NSRP1: variants seen among roughly 807,000 people sequenced by gnomAD.
NSRP1 encodes the protein coiled-coil domain containing 55.
NSRP1 carries 24 observed loss-of-function variants against 54.7 expected under a neutral mutation model. The observed-to-expected ratio is 0.44, with a 90% CI of 0.32 to 0.62. NSRP1 has a LOEUF of 0.62. Ranked by LOEUF, NSRP1 falls within the 20% of genes least tolerant of loss-of-function variation. The pLI is 0.06. For synonymous variants in NSRP1, 210 were observed against 213.8 expected (o/e 0.98, Z 0.15); for missense variants, 596 against 651.2 (o/e 0.92, Z 0.92).
intron 3 of NSRP1, among the ~76,000 whole-genome samples, chr17:30,176,614 C>CG (rs1272653689): frequency 4.1e-5 from 5 of 121,784 alleles, no homozygotes; most frequent in East Asian, 4.7e-4. Context: ...CGTCCCCCCC[C>CG]CCCCAAAAAA....
At chr17:30,180,828 G>A in intron 5 of NSRP1, 80 bp from the exon 6 acceptor site, 1 of 903,388 alleles carries the variant, frequency 1.1e-6, no homozygotes, top group South Asian at 1.3e-5. Flanking sequence ...CACACTGTAT[G>A]TTATATACTG....
chr17:30,120,961 C>A (rs2071591481), intron 2 of NSRP1, among the ~76,000 whole-genome samples: 1 of 152,086 alleles, frequency 6.6e-6, no homozygotes, highest in Non-Finnish European at 1.5e-5. Flanking sequence ...AAATAACATT[C>A]AAGGCTGGTT....
At position 30,132,689 on chromosome 17, in the gene NSRP1, C is replaced by T. The variant is rs549608550; in HGVS notation, c.114+14516C>T. Reference sequence around the variant, plus strand: ...ACATCTTCAGACTCCATTTGTAATTCTAGTTCTCTTGCCATTTCTACCCCA... The same window carrying T: ...ACATCTTCAGACTCCATTTGTAATTTTAGTTCTCTTGCCATTTCTACCCCA... On this transcript the variant is annotated intron_variant, in intron 2 of 6. Transcript: ENST00000247026. Among the ~76,000 whole-genome samples the T allele has an allele frequency of 3.5e-3, 530 of 152,314 alleles. 3 individuals are homozygous for T. The highest frequency in any genetic ancestry group is 0.012 in the African/African-American group (513 of 41,570).
intron 3 of NSRP1, among the ~76,000 whole-genome samples, chr17:30,173,344 T>C (rs1361895991): frequency 1.3e-5 from 2 of 152,208 alleles, no homozygotes; most frequent in East Asian, 1.9e-4. Flanking sequence ...AACTTGCCCA[T>C]AGTACTGATT....
At chr17:30,165,552 T>C (rs1904700188) in intron 2 of NSRP1, among the ~76,000 whole-genome samples, 1 of 152,234 alleles carries the variant, frequency 6.6e-6, no homozygotes, top group Non-Finnish European at 1.5e-5. Flanking sequence ...GTCTGTTCAT[T>C]TGGTGTGTCC....
At chr17:30,143,510 A>G (rs879138267) in intron 2 of NSRP1, among the ~76,000 whole-genome samples, 1 of 152,052 alleles carries the variant, frequency 6.6e-6, no homozygotes, top group South Asian at 2.1e-4. Flanking sequence ...TGTCTCTTGA[A>G]AAAAAAATAC....
chr17:30,169,397 G>T (rs964544390), intron 2 of NSRP1, among the ~76,000 whole-genome samples: 1 of 152,030 alleles, frequency 6.6e-6, no homozygotes, highest in Admixed American at 6.6e-5. Context: ...AAAACATCCA[G>T]CATTTGGAGA....
intron 2 of NSRP1, among the ~76,000 whole-genome samples, chr17:30,119,534 C>T (rs2071578297): frequency 1.3e-5 from 2 of 150,102 alleles, no homozygotes; most frequent in Admixed American, 1.3e-4. Context: ...ATGGAGTCTC[C>T]CTCTTTCGCC....
intron 2 of NSRP1, chr17:30,144,634 T>C (rs529679681): frequency 6.6e-6 from 1 of 152,346 alleles, no homozygotes; most frequent in East Asian, 1.9e-4. Flanking sequence ...TGTATGTATA[T>C]GTATAGACAC....
chr17:30,167,164 T>G lies in NSRP1; in HGVS notation c.115-5378T>G, dbSNP rs73276858. The stretch of plus-strand genomic sequence containing the variant: ...ATTTATCTTTTTGTGTGTGGCTTAT[T>G]TTACTTAAGGTAATGACCTCCAGTT... On this transcript the variant is annotated intron_variant, in intron 2 of 6. Transcript: ENST00000247026. Among the ~76,000 whole-genome samples, 498 of 152,304 alleles carry G rather than the reference T, an allele frequency of 3.3e-3. 5 individuals are homozygous for G. Among genetic ancestry groups the G allele is most frequent in the African/African-American group, 0.01 (436 of 41,568 alleles).
intron 3 of NSRP1, among the ~76,000 whole-genome samples, chr17:30,173,879 G>A (rs1010072030): frequency 1.4e-4 from 22 of 152,174 alleles, no homozygotes; most frequent in South Asian, 2.1e-4. Context: ...TGGCACAGAA[G>A]GATATATTTA....
At chr17:30,172,355 T>A (rs1904981427) in intron 2 of NSRP1, among the ~76,000 whole-genome samples, 187 bp from the exon 3 acceptor site, 1 of 152,160 alleles carries the variant, frequency 6.6e-6, no homozygotes. Context: ...AATGTGAAGC[T>A]CAAATGAAAT....
In NSRP1 at chr17:30,138,957, G is replaced by A. The variant is rs1223841286; in HGVS notation, c.114+20784G>A. 2.7e-5 allele frequency among the ~76,000 whole-genome samples: 3 copies of A among 111,810 alleles called. No individual in the cohort carries two copies. The Admixed American group carries it at 4.1e-4, about 15-fold the overall frequency. 73.4% of individuals were successfully genotyped at this position (111,810 alleles called of 152,430 possible). On this transcript the variant is annotated intron_variant, in intron 2 of 6. Transcript: ENST00000247026. ...TTTTGAGATGGAGTCTCGCTTTGTC[G>A]CCCAGGCTGGAGTGCAGTGGCCCGA...
At chr17:30,132,659 C>G (rs1233494259) in intron 2 of NSRP1, among the ~76,000 whole-genome samples, 1 of 152,236 alleles carries the variant, frequency 6.6e-6, no homozygotes, top group African/African-American at 2.4e-5. Flanking sequence ...ATGAGCAGTT[C>G]AGTCACATCT....
At chr17:30,172,783 CTAA>C (rs1904999270) in intron 3 of NSRP1, among the ~76,000 whole-genome samples, 185 bp downstream of exon 3, 1 of 151,570 alleles carries the variant, frequency 6.6e-6, no homozygotes, top group African/African-American at 2.4e-5. Context: ...ACTCATTAGT[CTAA>C]TAATGGATTG....
rs116319360 is a variant in NSRP1, at chr17:30,120,172, C to G, written c.114+1999C>G. 7.1e-3 allele frequency among the ~76,000 whole-genome samples: 1,085 copies of G among 152,294 alleles called. 9 individuals are homozygous for G. Among genetic ancestry groups the G allele is most frequent in the African/African-American group, 0.025 (1,052 of 41,548 alleles). ...TATGTACTCTTTTATGTCTGACTTA[C>G]TCCACTCAGTATAATGCCAGATTTA... On this transcript the variant is annotated intron_variant, in intron 2 of 6. Coordinates refer to ENST00000247026, the MANE Select transcript of NSRP1 (RefSeq NM_032141.4).
intron 2 of NSRP1, among the ~76,000 whole-genome samples, chr17:30,140,525 T>C (rs2071794913): frequency 8.7e-6 from 1 of 115,550 alleles, no homozygotes; most frequent in Non-Finnish European, 1.6e-5. Flanking sequence ...TTTTACTTTT[T>C]TTTTTTTTTT....
intron 5 of NSRP1, among the ~76,000 whole-genome samples, chr17:30,179,634 T>C (rs1164571444): frequency 6.6e-6 from 1 of 152,120 alleles, no homozygotes; most frequent in African/African-American, 2.4e-5. Context: ...ACAATATAAA[T>C]ATAATTTTAA....
intron 6 of NSRP1, among the ~76,000 whole-genome samples, chr17:30,183,901 A>C (rs1323666906): frequency 6.6e-6 from 1 of 152,132 alleles, no homozygotes; most frequent in East Asian, 1.9e-4. Flanking sequence ...CTATTTTTAT[A>C]ATTTTTTAAA....
Sources: allele counts gnomAD v4.1 joint callset (sites outside exome capture counted in the v4.1 genomes callset), GRCh38; gene constraint gnomAD v4.1.1; transcripts MANE v1.5; gene names NCBI Gene and HGNC (gene_info 2026-07-23, HGNC 2026-07-21).